Variants in TAC3 observed in about 807,000 individuals in gnomAD.
TAC3 encodes tachykinin-3.
Under a neutral mutation model 16.5 loss-of-function variants are expected in TAC3, and 9 were observed. The observed-to-expected ratio is 0.55, with a 90% CI of 0.33 to 0.95. The LOEUF (loss-of-function observed/expected upper bound fraction) is 0.95, where lower values mean the gene tolerates loss of function less well. Among genes scored for constraint, TAC3 ranks in the 40% least tolerant of loss-of-function variants. The probability of loss-of-function intolerance (pLI) is 0.03; values close to 1 mark genes in which losing one functional copy is unlikely to be tolerated. For synonymous variants in TAC3, 52 were observed against 56.7 expected (o/e 0.92, Z 0.37); for missense variants, 129 against 149.1 (o/e 0.87, Z 0.70).
In TAC3 at chr12:57,010,106, G is replaced by A. The variant is rs1956277276; in HGVS notation, c.*184C>T. The A allele has an allele frequency of 2.2e-6, 1 of 454,060 alleles. No individual in the cohort carries two copies. Among genetic ancestry groups the A allele is most frequent in the Non-Finnish European group, 4.4e-6 (1 of 226,784 alleles). The allele number at this position is 454,060 out of a possible 1,614,324, so 28.1% of individuals were successfully genotyped here. A position where few individuals can be genotyped will look rare whatever the true frequency, so the allele number is the denominator to read the frequency against. ...GTATTCTACAGTCAATGCCCATTGGGGTTGGGGATATTCACTATGCAGTTT... is the reference window on the plus strand; with the variant it reads ...GTATTCTACAGTCAATGCCCATTGGAGTTGGGGATATTCACTATGCAGTTT... On this transcript the variant is annotated 3_prime_UTR_variant, in exon 7 of 7. Coordinates refer to ENST00000458521, the MANE Select transcript of TAC3 (RefSeq NM_013251.4).
At chr12:57,010,393 G>A (rs1956283589) in intron 6 of TAC3, 105 bp from the exon 7 acceptor site, 1 of 352,446 alleles carries the variant, frequency 2.8e-6, no homozygotes, top group Non-Finnish European at 5.5e-6. Flanking sequence ...GGAGAGAAGG[G>A]GAGAGGCGTC....
Position 57,015,670 on chromosome 12 carries a change from C to A in TAC3, c.114+14G>T. ...TCCCGTGATGTCCCCAGTACTCTGC[C>A]AGGGGAGACTTACCTTGCTGCGGCC... On this transcript the variant is annotated intron_variant, in intron 2 of 6. Coordinates refer to ENST00000458521, the MANE Select transcript of TAC3 (RefSeq NM_013251.4). The A allele has an allele frequency of 6.2e-7, 1 of 1,611,398 alleles. No homozygotes were observed. Among genetic ancestry groups the A allele is most frequent in the South Asian group, 1.1e-5 (1 of 91,002 alleles).
intron 6 of TAC3, 41 bp downstream of exon 6, chr12:57,012,337 C>CA: frequency 6.4e-7 from 1 of 1,573,244 alleles, no homozygotes; most frequent in Non-Finnish European, 8.7e-7. Flanking sequence ...CCACAGCCCC[C>CA]TCCCCAGTCC....
chr12:57,014,207 G>C (rs1421802706), intron 2 of TAC3, among the ~76,000 whole-genome samples: 1 of 152,122 alleles, frequency 6.6e-6, no homozygotes, highest in Non-Finnish European at 1.5e-5. Flanking sequence ...GCCCAGCACG[G>C]GCTCTTGATT....
At position 57,013,663 on chromosome 12, in the gene TAC3, T is replaced by C. The variant is rs767907309; in HGVS notation, c.123A>G (p.Pro41=). The C allele has an allele frequency of 5.0e-6, 8 of 1,612,390 alleles. No homozygotes were observed. The highest frequency in any genetic ancestry group is 2.2e-5 in the East Asian group (1 of 44,868). The stretch of plus-strand genomic sequence containing the variant: ...GTCTCTGGAGCAGCTGGTAGAGATC[T>C]GGATCCCTCTAGGGAAGAAACAAAG... ...VPGGGRSKRD[P]DLYQLLQRLF... The change falls in exon 3 of 7, where the codon CCA becomes CCG. Residue 41 remains proline (P), a synonymous_variant. Coordinates refer to ENST00000458521, the MANE Select transcript of TAC3 (RefSeq NM_013251.4).
chr12:57,012,803 T>C lies in TAC3; in HGVS notation c.292+19A>G. Reference sequence around the variant, plus strand: ...GCCAGTACCCTAAGCCCTTCCACTGTACCTCCACACACTCCTACCTGGCTG... The same window carrying C: ...GCCAGTACCCTAAGCCCTTCCACTGCACCTCCACACACTCCTACCTGGCTG... On this transcript the variant is annotated intron_variant, in intron 5 of 6. Coordinates refer to ENST00000458521, the MANE Select transcript of TAC3 (RefSeq NM_013251.4). 2 of 1,614,104 alleles carry C rather than the reference T, an allele frequency of 1.2e-6. No homozygotes were observed. The highest frequency in any genetic ancestry group is 1.7e-6 in the Non-Finnish European group (2 of 1,179,986).
At chr12:57,012,249 G>A (rs1385633635) in intron 6 of TAC3, 129 bp downstream of exon 6, 3 of 836,732 alleles carry the variant, frequency 3.6e-6, no homozygotes, top group Admixed American at 2.0e-5. Flanking sequence ...AGTGTGCTGG[G>A]CATTGGCAGT....
chr12:57,015,745 C>T lies in TAC3; in HGVS notation c.53G>A (p.Ser18Asn). 6.2e-7 allele frequency: 1 copy of T among 1,614,206 alleles called. No homozygotes were observed. Among genetic ancestry groups the T allele is most frequent in the Non-Finnish European group, 8.5e-7 (1 of 1,180,044 alleles). The change falls in exon 2 of 7, where the codon AGC becomes AAC. Residue 18 changes from serine (S) to asparagine (N), a missense_variant. Ser to Asn is a conservative substitution (Grantham distance 46). Transcript: ENST00000458521. Reference sequence around the variant, plus strand: ...TGGCTCCTTACAGACAGCCCCAAAGCTCTGAGCTAGGCTGAAGGCCAGGAT... The same window carrying T: ...TGGCTCCTTACAGACAGCCCCAAAGTTCTGAGCTAGGCTGAAGGCCAGGAT... ...TAILAFSLAQ[S>N]FGAVCKEPQE...
At chr12:57,013,200 G>C (rs1277989620) in intron 4 of TAC3, 159 bp downstream of exon 4, 2 of 950,868 alleles carry the variant, frequency 2.1e-6, no homozygotes. Context: ...CCTAGTTCTG[G>C]ATGGCCTCTC....
rs191803860 is a variant in TAC3 at position 57,012,465 on chromosome 12, G to A, written c.293-13C>T. ...TCCGTAGGAGAGTCTAGGGTAAAGCGAACAGTGTAAGTAAGAGGGATCTTT... is the reference window on the plus strand; with the variant it reads ...TCCGTAGGAGAGTCTAGGGTAAAGCAAACAGTGTAAGTAAGAGGGATCTTT... On this transcript the variant is annotated splice_polypyrimidine_tract_variant and intron_variant, in intron 5 of 6. Transcript: ENST00000458521. 146 of 1,613,950 alleles carry A rather than the reference G, an allele frequency of 9.0e-5. 1 individual carries two copies. The East Asian group carries it at 1.4e-3, about 16-fold the overall frequency.
intron 1 of TAC3, 105 bp from the exon 2 acceptor site, chr12:57,015,907 G>T: frequency 1.1e-6 from 1 of 923,986 alleles, no homozygotes; most frequent in Non-Finnish European, 1.7e-6. Flanking sequence ...GCTTGACCCT[G>T]CTTCCCCAGC....
chr12:57,010,321 A>C, intron 6 of TAC3, 33 bp from the exon 7 acceptor site: 1 of 396,180 alleles, frequency 2.5e-6, no homozygotes, highest in Non-Finnish European at 5.0e-6. Flanking sequence ...AACAAAAAAA[A>C]ACACTGAAAT....
rs146110551 is a variant in TAC3 at position 57,012,442 on chromosome 12, C to T, written c.303G>A (p.Thr101=). 1.6e-5 allele frequency: 26 copies of T among 1,613,918 alleles called. No individual in the cohort carries two copies. Among genetic ancestry groups the T allele is most frequent in the East Asian group, 4.5e-5 (2 of 44,902 alleles). Residue 101 remains threonine, a synonymous_variant, in exon 6 of 7, where the codon ACG becomes ACA. Coordinates refer to ENST00000458521, the MANE Select transcript of TAC3 (RefSeq NM_013251.4). The stretch of plus-strand genomic sequence containing the variant: ...TGGGGACGTTCTCTTGATTCACATC[C>T]GTAGGAGAGTCTAGGGTAAAGCGAA... ...GKRSVQPDSP[T]DVNQENVPSF... is the part of the protein sequence containing the mutation.
intron 4 of TAC3, 81 bp downstream of exon 4, chr12:57,013,278 G>T: frequency 6.5e-7 from 1 of 1,540,754 alleles, no homozygotes; most frequent in Non-Finnish European, 9.0e-7. Context: ...GAAGGGGCTG[G>T]ACAAAATGGC....
In TAC3 at chr12:57,016,389, G is replaced by A. The variant is rs1160302221; in HGVS notation, c.-8C>T. 4.5e-6 allele frequency: 2 copies of A among 446,036 alleles called. No individual in the cohort carries two copies. Among genetic ancestry groups the A allele is most frequent in the Non-Finnish European group, 9.1e-6 (2 of 220,194 alleles). The allele number at this position is 446,036 out of a possible 1,614,324, so 27.6% of individuals were successfully genotyped here. A position where few individuals can be genotyped will look rare whatever the true frequency, so the allele number is the denominator to read the frequency against. Reference sequence around the variant, plus strand: ...CCAGCATTCTCCCACTTGCCTACCTGTGGAGCAGCTCTGTGCCGGGGGCTG... The same window carrying A: ...CCAGCATTCTCCCACTTGCCTACCTATGGAGCAGCTCTGTGCCGGGGGCTG... On this transcript the variant is annotated splice_region_variant and 5_prime_UTR_variant, in exon 1 of 7. Transcript: ENST00000458521.
intron 6 of TAC3, 112 bp from the exon 7 acceptor site, chr12:57,010,400 C>T (rs941017431): frequency 2.3e-5 from 8 of 349,488 alleles, no homozygotes; most frequent in Admixed American, 3.9e-5. Flanking sequence ...AGGGGAGAGG[C>T]GTCTGTGAGA....
chr12:57,015,983 C>T (rs965587528), intron 1 of TAC3, among the ~76,000 whole-genome samples, 181 bp from the exon 2 acceptor site: 3 of 152,184 alleles, frequency 2.0e-5, no homozygotes, highest in African/African-American at 7.2e-5. Flanking sequence ...GAAGGGGGTA[C>T]AGCCCTTGGG....
chr12:57,012,155 C>T (rs1329435430), intron 6 of TAC3: 12 of 566,402 alleles, frequency 2.1e-5, no homozygotes, highest in African/African-American at 5.6e-5. Context: ...AGTCAGCTGC[C>T]GTCCATGATC....
intron 2 of TAC3, among the ~76,000 whole-genome samples, 156 bp from the exon 3 acceptor site, chr12:57,013,827 G>A (rs1311760369): frequency 1.3e-5 from 2 of 152,130 alleles, no homozygotes; most frequent in Non-Finnish European, 2.9e-5. Context: ...AGAAGTAGGT[G>A]CTCCAGGAGT....
Sources: allele counts gnomAD v4.1 joint callset (sites outside exome capture counted in the v4.1 genomes callset), GRCh38; gene constraint gnomAD v4.1.1; transcripts MANE v1.5; gene names NCBI Gene and HGNC (gene_info 2026-07-23, HGNC 2026-07-21).